The following PTPRK variants were observed in gnomAD, a reference collection of about 807,000 sequenced individuals.
PTPRK encodes receptor-type tyrosine-protein phosphatase kappa.
A neutral mutation model predicts 178.0 loss-of-function variants in PTPRK; 75 were observed. That is an observed-to-expected ratio of 0.42 (90% confidence interval 0.35 to 0.51). PTPRK has a LOEUF of 0.51. Among genes scored for constraint, PTPRK ranks in the 20% least tolerant of loss-of-function variants. The probability of loss-of-function intolerance (pLI) is 0.02; values close to 1 mark genes in which losing one functional copy is unlikely to be tolerated. For synonymous variants in PTPRK, 637 were observed against 620.6 expected (o/e 1.03, Z -0.39); for missense variants, 1,441 against 1,797.8 (o/e 0.80, Z 3.59).
intron 7 of PTPRK, among the ~76,000 whole-genome samples, chr6:128,162,808 G>A (rs937610712): frequency 2.6e-5 from 4 of 151,706 alleles, no homozygotes; most frequent in Admixed American, 6.6e-5. Flanking sequence ...AACACTGATA[G>A]GCTTTTGTGC....
chr6:128,098,869 C>T (rs779677257), intron 7 of PTPRK, among the ~76,000 whole-genome samples: 17 of 151,870 alleles, frequency 1.1e-4, no homozygotes, highest in Admixed American at 3.9e-4. Flanking sequence ...TGCCTTAAAA[C>T]GACTTTTAAT....
chr6:128,473,404 ATTTTTTTTT>A (rs67418131), intron 1 of PTPRK, among the ~76,000 whole-genome samples: 2,586 of 90,950 alleles, frequency 0.028, 28 homozygotes, highest in Middle Eastern at 0.097. Context: ...TATGGTTACT[ATTTTTTTTT>A]TTTTTTTTTT....
chr6:127,998,955 T>C, intron 15 of PTPRK, 51 bp from the exon 16 acceptor site: 2 of 1,419,654 alleles, frequency 1.4e-6, no homozygotes, highest in South Asian at 2.9e-5. Context: ...AGTTATCTTG[T>C]TTAATATATG....
chr6:128,221,300 G>C (rs1014737781), intron 5 of PTPRK, among the ~76,000 whole-genome samples: 18 of 151,910 alleles, frequency 1.2e-4, no homozygotes, highest in Admixed American at 1.1e-3. Context: ...CGAGGCGGCT[G>C]GATCACGAGG....
At position 128,419,676 on chromosome 6, in the gene PTPRK, C is replaced by CTGAGAACCTGT. The variant is rs553652379; in HGVS notation, c.101-21999_101-21989dup. On this transcript the variant is annotated intron_variant, in intron 1 of 29. Transcript: ENST00000368226. ...AATGGAAATTCAATAGGAAACCAATCTGAGAACCTGTTTAAAACTTAAATT... is the reference window on the plus strand; with the variant it reads ...AATGGAAATTCAATAGGAAACCAATCTGAGAACCTGTTGAGAACCTGTTTAAAACTTAAATT... 2.0e-3 allele frequency among the ~76,000 whole-genome samples: 301 copies of CTGAGAACCTGT among 152,054 alleles called. 1 individual carries two copies. The highest frequency in any genetic ancestry group is 7.1e-3 in the African/African-American group (293 of 41,500).
intron 6 of PTPRK, among the ~76,000 whole-genome samples, chr6:128,217,297 C>A (rs918219771): frequency 1.3e-5 from 2 of 152,118 alleles, no homozygotes; most frequent in African/African-American, 2.4e-5. Flanking sequence ...GAGCTGAATA[C>A]GGAGACATCA....
At chr6:128,108,067 AAAACACAC>A (rs1415671954) in intron 7 of PTPRK, among the ~76,000 whole-genome samples, 7 of 126,152 alleles carry the variant, frequency 5.5e-5, no homozygotes, top group Admixed American at 1.9e-4. Flanking sequence ...CCTAAATAGC[AAAACACAC>A]ACACACACAC....
Position 128,055,363 on chromosome 6 carries a change from A to G in PTPRK, c.2194+9395T>C, listed in dbSNP as rs76705269. 4.4e-3 allele frequency among the ~76,000 whole-genome samples: 674 copies of G among 152,316 alleles called. 5 individuals carry two copies. Among genetic ancestry groups the G allele is most frequent in the African/African-American group, 0.016 (647 of 41,566 alleles). On this transcript the variant is annotated intron_variant, in intron 13 of 29. Transcript: ENST00000368226. ...TGTATATAAATGAACTGGCCCTGTGATACTTGTTTTGATATTTATAATTTA... is the reference window on the plus strand; with the variant it reads ...TGTATATAAATGAACTGGCCCTGTGGTACTTGTTTTGATATTTATAATTTA...
At chr6:128,464,653 A>ATATATATG (rs1554271924) in intron 1 of PTPRK, among the ~76,000 whole-genome samples, 10 of 107,694 alleles carry the variant, frequency 9.3e-5, no homozygotes, top group South Asian at 9.3e-4. Flanking sequence ...ATATATATAT[A>ATATATATG]TATATATATA....
chr6:128,383,475 A>C (rs1838243223), intron 2 of PTPRK, among the ~76,000 whole-genome samples: 1 of 152,180 alleles, frequency 6.6e-6, no homozygotes, highest in Non-Finnish European at 1.5e-5. Flanking sequence ...AGTATAGTGC[A>C]TTAACAACAG....
chr6:128,285,672 G>T (rs1822378827), intron 3 of PTPRK, among the ~76,000 whole-genome samples: 1 of 151,944 alleles, frequency 6.6e-6, no homozygotes, highest in Non-Finnish European at 1.5e-5. Flanking sequence ...GAGCATGGTG[G>T]CGTGTGCCTG....
intron 7 of PTPRK, among the ~76,000 whole-genome samples, chr6:128,132,884 C>T (rs1794470253): frequency 6.6e-6 from 1 of 152,156 alleles, no homozygotes; most frequent in Non-Finnish European, 1.5e-5. Flanking sequence ...CCATCAGCCC[C>T]ATTTGAACAT....
rs1475920176 is a variant in PTPRK at position 127,991,329 on chromosome 6, T to C, written c.2944A>G (p.Ile982Val). The change falls in exon 20 of 30, where the codon ATT (isoleucine) becomes GTT (valine). Residue 982 changes from isoleucine (I) to valine (V), a missense_variant. Ile to Val is a conservative substitution (Grantham distance 29). Coordinates refer to ENST00000368226, the MANE Select transcript of PTPRK (RefSeq NM_002844.4). ...TCAACTAAATTTGTAACCATCACAATGCAAGCAGATTGTTCTTGCCAAATC... is the reference window on the plus strand; with the variant it reads ...TCAACTAAATTTGTAACCATCACAACGCAAGCAGATTGTTCTTGCCAAATC... ...RMIWQEQSAC[I>V]VMVTNLVEVG... 6.2e-7 allele frequency: 1 copy of C among 1,601,834 alleles called. No individual in the cohort carries two copies. Among genetic ancestry groups the C allele is most frequent in the Non-Finnish European group, 8.5e-7 (1 of 1,174,372 alleles).
At chr6:127,976,623 C>T in intron 27 of PTPRK, 34 bp downstream of exon 27, 1 of 1,612,242 alleles carries the variant, frequency 6.2e-7, no homozygotes, top group Non-Finnish European at 8.5e-7. Context: ...CTGACCTATT[C>T]TAGATCAGCT....
chr6:128,262,954 C>T (rs564972729), intron 3 of PTPRK, among the ~76,000 whole-genome samples: 1 of 151,050 alleles, frequency 6.6e-6, no homozygotes, highest in Non-Finnish European at 1.5e-5. Flanking sequence ...AGGTGGCAGA[C>T]CCACGTCTAC....
At chr6:128,116,884 C>T (rs901922863) in intron 7 of PTPRK, among the ~76,000 whole-genome samples, 6 of 152,182 alleles carry the variant, frequency 3.9e-5, no homozygotes, top group Admixed American at 2.6e-4. Context: ...TGGTGGCTCA[C>T]GCCTGTAATC....
intron 7 of PTPRK, among the ~76,000 whole-genome samples, chr6:128,112,917 C>G (rs1222632642): frequency 6.6e-6 from 1 of 152,110 alleles, no homozygotes; most frequent in Non-Finnish European, 1.5e-5. Flanking sequence ...TTTCCTATCT[C>G]TTTTTCCAAA....
chr6:128,169,783 ATGTGTGTGTGTGTGTGTGTG>A lies in PTPRK; in HGVS notation c.1162+14629_1162+14648del, dbSNP rs10552787. On this transcript the variant is annotated intron_variant, in intron 7 of 29. Coordinates refer to ENST00000368226, the MANE Select transcript of PTPRK (RefSeq NM_002844.4). ...CCCACTTAAATATGTTATTTTTTTA[ATGTGTGTGTGTGTGTGTGTG>A]TGTGTGTGTGTGTGTGTATTATTTT... Among the ~76,000 whole-genome samples, 22 of 145,542 alleles carry A rather than the reference ATGTGTGTGTGTGTGTGTGTG, an allele frequency of 1.5e-4. 1 individual carries two copies. The South Asian group carries it at 4.0e-3, about 26-fold the overall frequency.
intron 2 of PTPRK, among the ~76,000 whole-genome samples, chr6:128,373,027 A>G (rs1347300385): frequency 2.0e-5 from 3 of 152,170 alleles, no homozygotes; most frequent in African/African-American, 4.8e-5. Context: ...AGGACTGGAA[A>G]CATTCCAATG....
Sources: gnomAD v4.1 joint callset for allele counts (sites outside exome capture counted in the v4.1 genomes callset) on GRCh38, gnomAD v4.1.1 for gene constraint, MANE v1.5 for transcripts, NCBI Gene and HGNC (gene_info 2026-07-23, HGNC 2026-07-21) for gene names.